The following HADHB variants were observed in gnomAD, a reference collection of about 807,000 sequenced individuals.
HADHB encodes hydroxyacyl-CoA dehydrogenase trifunctional multienzyme complex subunit beta, also known as trifunctional enzyme subunit beta, mitochondrial.
Under a neutral mutation model 61.9 loss-of-function variants are expected in HADHB, and 50 were observed. That is an observed-to-expected ratio of 0.81 (90% CI 0.64 to 1.02). The LOEUF (loss-of-function observed/expected upper bound fraction) is 1.02, where lower values mean the gene tolerates loss of function less well. Ranked by LOEUF, HADHB falls within the 50% of genes least tolerant of loss-of-function variation. HADHB has a pLI of 0.00. For synonymous variants in HADHB, 191 were observed against 201.6 expected, an observed-to-expected ratio of 0.95 and a Z score of 0.45; for missense variants, 504 against 586.5, an observed-to-expected ratio of 0.86 and a Z score of 1.45.
At chr2:26,259,847 G>T (rs911193353) in intron 3 of HADHB, among the ~76,000 whole-genome samples, 7 of 152,088 alleles carry the variant, frequency 4.6e-5, no homozygotes, top group African/African-American at 9.7e-5. Context: ...AGACAGGTAA[G>T]AATTCGATGG....
At position 26,252,035 on chromosome 2, in the gene HADHB, C is replaced by T. The variant is rs572862577; in HGVS notation, c.-8-2212C>T. Among the ~76,000 whole-genome samples, 11 of 152,294 alleles carry T rather than the reference C, an allele frequency of 7.2e-5. No individual in the cohort carries two copies. In the South Asian group the frequency reaches 1.2e-3, roughly 17 times the overall value. On this transcript the variant is annotated intron_variant, in intron 1 of 15. Coordinates refer to ENST00000317799, the MANE Select transcript of HADHB (RefSeq NM_000183.3). ...GAAAGCTTGCCTGCGCTAGAGGCTCCGCTTCCAAGCTCACTCACATGGCTG... is the reference window on the plus strand; with the variant it reads ...GAAAGCTTGCCTGCGCTAGAGGCTCTGCTTCCAAGCTCACTCACATGGCTG...
At chr2:26,262,743 T>A (rs1671914433) in intron 3 of HADHB, among the ~76,000 whole-genome samples, 1 of 152,174 alleles carries the variant, frequency 6.6e-6, no homozygotes, top group South Asian at 2.1e-4. Flanking sequence ...ACTTCTAATA[T>A]TAAGGGTAGA....
intron 1 of HADHB, among the ~76,000 whole-genome samples, chr2:26,250,605 A>T (rs933936214): frequency 6.6e-6 from 1 of 151,332 alleles, no homozygotes; most frequent in Non-Finnish European, 1.5e-5. Context: ...AGGCCGAGGT[A>T]GGAGGATTAC....
At chr2:26,258,456 G>A (rs989955667) in intron 3 of HADHB, among the ~76,000 whole-genome samples, 2 of 152,210 alleles carry the variant, frequency 1.3e-5, no homozygotes, top group Non-Finnish European at 2.9e-5. Flanking sequence ...GCACTTGGCC[G>A]CACAGAAACA....
At chr2:26,280,302 C>T (rs1672733435) in intron 10 of HADHB, among the ~76,000 whole-genome samples, 187 bp downstream of exon 10, 1 of 151,866 alleles carries the variant, frequency 6.6e-6, no homozygotes, top group African/African-American at 2.4e-5. Context: ...GAGAAGTCAC[C>T]TAATCCAGCC....
At chr2:26,248,246 T>C (rs1363193597) in intron 1 of HADHB, among the ~76,000 whole-genome samples, 3 of 152,252 alleles carry the variant, frequency 2.0e-5, no homozygotes, top group Non-Finnish European at 2.9e-5. Context: ...TGTTTCATTT[T>C]CTTTTCCAAA....
chr2:26,250,242 G>T (rs1476764103), intron 1 of HADHB, among the ~76,000 whole-genome samples: 1 of 152,146 alleles, frequency 6.6e-6, no homozygotes, highest in Non-Finnish European at 1.5e-5. Context: ...AACCTCAGGT[G>T]ATCCACCTGC....
At chr2:26,278,856 C>T in intron 8 of HADHB, 55 bp downstream of exon 8, 2 of 1,389,736 alleles carry the variant, frequency 1.4e-6, no homozygotes, top group Non-Finnish European at 1.0e-6. Flanking sequence ...TTAGGTATGG[C>T]AGTGTGGACT....
At chr2:26,268,300 A>G (rs544161236) in intron 4 of HADHB, among the ~76,000 whole-genome samples, 6 of 152,332 alleles carry the variant, frequency 3.9e-5, no homozygotes, top group Non-Finnish European at 7.3e-5. Context: ...ATATTTATCA[A>G]TTACTATGAT....
chr2:26,283,438 G>A (rs763431826), intron 12 of HADHB, among the ~76,000 whole-genome samples: 2 of 152,050 alleles, frequency 1.3e-5, no homozygotes, highest in African/African-American at 4.8e-5. Flanking sequence ...GCAAGAGAAT[G>A]GCATGAACCC....
At chr2:26,278,897 A>G in intron 8 of HADHB, 96 bp downstream of exon 8, 1 of 1,128,804 alleles carries the variant, frequency 8.9e-7, no homozygotes, top group South Asian at 1.2e-5. Flanking sequence ...TAGATTCTGT[A>G]GTTACAGGAA....
intron 3 of HADHB, among the ~76,000 whole-genome samples, chr2:26,256,592 T>C (rs1162200149): frequency 6.6e-6 from 1 of 152,190 alleles, no homozygotes; most frequent in African/African-American, 2.4e-5. Context: ...ACACATTTAT[T>C]ATCTTCTTTG....
intron 5 of HADHB, among the ~76,000 whole-genome samples, chr2:26,272,648 T>C (rs1672392450): frequency 6.6e-6 from 1 of 152,004 alleles, no homozygotes; most frequent in African/African-American, 2.4e-5. Flanking sequence ...TGTGCCCGGC[T>C]GATATGGTCC....
chr2:26,279,446 A>G (rs749688856), intron 9 of HADHB, 131 bp downstream of exon 9: 115 of 711,556 alleles, frequency 1.6e-4, no homozygotes, highest in Non-Finnish European at 2.6e-4. Flanking sequence ...ATTCTTAAAT[A>G]TGGATGCAAA....
At chr2:26,253,912 G>T (rs111315838) in intron 1 of HADHB, among the ~76,000 whole-genome samples, 2 of 130,706 alleles carry the variant, frequency 1.5e-5, no homozygotes, top group South Asian at 5.1e-4. Flanking sequence ...AAAAATTCCA[G>T]CTCTGCCACT....
In HADHB at chr2:26,285,402, G is replaced by T; in HGVS notation, c.1225-5G>T. On this transcript the variant is annotated splice_polypyrimidine_tract_variant and splice_region_variant and intron_variant, in intron 14 of 15. Transcript: ENST00000317799. ...TCTTTACATTTGTGTCTTTGGGGGAGCCAGGTTGGATTGCCTCCTTTGGAG... is the reference window on the plus strand; with the variant it reads ...TCTTTACATTTGTGTCTTTGGGGGATCCAGGTTGGATTGCCTCCTTTGGAG... 6.2e-7 allele frequency: 1 copy of T among 1,612,842 alleles called. No homozygotes were observed. The highest frequency in any genetic ancestry group is 8.5e-7 in the Non-Finnish European group (1 of 1,178,916).
intron 15 of HADHB, among the ~76,000 whole-genome samples, chr2:26,286,072 T>C (rs1673022467): frequency 6.6e-6 from 1 of 152,016 alleles, no homozygotes; most frequent in Non-Finnish European, 1.5e-5. Flanking sequence ...GAAACAGCTA[T>C]TTAAACCCAA....
At chr2:26,255,187 A>C (rs913813806) in intron 3 of HADHB, among the ~76,000 whole-genome samples, 5 of 152,046 alleles carry the variant, frequency 3.3e-5, no homozygotes, top group Non-Finnish European at 7.4e-5. Context: ...TGGTATTTCT[A>C]CCTGTATAAT....
rs756497644 is a variant in HADHB at position 26,279,311 on chromosome 2, A to C, written c.807A>C (p.Val269=). Residue 269 remains valine (V), a synonymous_variant, in exon 9 of 16, where the codon GTA becomes GTC. Transcript: ENST00000317799. The part of the protein sequence containing the change: ...GLLSDVVPFK[V]PGKDTVTKDN... The stretch of plus-strand genomic sequence containing the variant: ...TTTCTGATGTGGTACCCTTCAAAGT[A>C]CCAGGTGAAATGAAATGCTTCATGA... The C allele has an allele frequency of 3.9e-5, 63 of 1,606,330 alleles. No homozygotes were observed. The highest frequency in any genetic ancestry group is 5.1e-5 in the Non-Finnish European group (60 of 1,172,996).
Sources: allele counts gnomAD v4.1 joint callset (sites outside exome capture counted in the v4.1 genomes callset), GRCh38; gene constraint gnomAD v4.1.1; transcripts MANE v1.5; gene names NCBI Gene and HGNC (gene_info 2026-07-23, HGNC 2026-07-21).